Variants in FNIP2 observed in about 807,000 individuals in gnomAD.
The protein encoded by FNIP2 is folliculin interacting protein 2, also known as folliculin-interacting protein 2.
In FNIP2, 32 loss-of-function variants were observed where a neutral mutation model predicts 108.7. The ratio of observed to expected loss-of-function variants is 0.29; its 90% CI spans 0.22 to 0.40. The LOEUF is 0.40. FNIP2 is among the 10% of genes least tolerant of loss of function. The probability of loss-of-function intolerance (pLI) is 1.00; values close to 1 mark genes in which losing one functional copy is unlikely to be tolerated. For missense variants in FNIP2, 1,202 were observed against 1,381.6 expected, an observed-to-expected ratio of 0.87 and a Z score of 2.06; for synonymous variants, 480 against 496.7, an observed-to-expected ratio of 0.97 and a Z score of 0.45.
intron 8 of FNIP2, among the ~76,000 whole-genome samples, chr4:158,852,941 T>C (rs576367323): frequency 6.6e-6 from 1 of 152,180 alleles, no homozygotes; most frequent in Non-Finnish European, 1.5e-5. Flanking sequence ...CTACCTAGTT[T>C]ATGGGCCAGT....
chr4:158,823,346 A>G (rs935548959), intron 1 of FNIP2, among the ~76,000 whole-genome samples: 1 of 152,020 alleles, frequency 6.6e-6, no homozygotes, highest in South Asian at 2.1e-4. Context: ...GCTCACTGCA[A>G]CCTCTGTCTC....
intron 6 of FNIP2, 134 bp from the exon 7 acceptor site, chr4:158,835,271 T>G: frequency 1.9e-6 from 1 of 539,480 alleles, no homozygotes; most frequent in Non-Finnish European, 3.3e-6. Flanking sequence ...GCCTTCTAGT[T>G]AATCTCTATT....
intron 1 of FNIP2, among the ~76,000 whole-genome samples, chr4:158,791,266 C>CTTTTTTTTTTTTTT (rs199714823): frequency 2.0e-5 from 2 of 98,048 alleles, no homozygotes; most frequent in African/African-American, 4.0e-5. Context: ...ACTGAGGATC[C>CTTTTTTTTTTTTTT]TTTTTTTTTT....
At chr4:158,835,323 A>C in intron 6 of FNIP2, 82 bp from the exon 7 acceptor site, 6 of 1,222,754 alleles carry the variant, frequency 4.9e-6, no homozygotes, top group Non-Finnish European at 6.0e-6. Flanking sequence ...CCTACTTTGA[A>C]ATTTAAAAAT....
rs762008595 is a variant in FNIP2 at position 158,826,012 on chromosome 4, T to A, written c.204T>A (p.Ala68=). Residue 68 remains alanine, a synonymous_variant, in exon 2 of 17, where the codon GCT becomes GCA. Coordinates refer to ENST00000264433, the MANE Select transcript of FNIP2 (RefSeq NM_020840.3). ...GACAAGTCTTGTTTGACTCTAAAGC[T>A]GTTCAAAAGATTGAGGAGGTGACAG... ...RGRQVLFDSK[A]VQKIEEVTAQ... 4 of 1,608,458 alleles carry A rather than the reference T, an allele frequency of 2.5e-6. No individual in the cohort carries two copies. The East Asian group carries it at 8.9e-5, about 36-fold the overall frequency.
intron 14 of FNIP2, among the ~76,000 whole-genome samples, chr4:158,888,023 T>A (rs950104406): frequency 6.6e-6 from 1 of 152,234 alleles, no homozygotes; most frequent in Admixed American, 6.5e-5. Flanking sequence ...TGATCAGGGA[T>A]GGCCAGCAGT....
chr4:158,802,233 T>C (rs1222412345), intron 1 of FNIP2, among the ~76,000 whole-genome samples: 1 of 152,108 alleles, frequency 6.6e-6, no homozygotes. Context: ...GGAGAAGGCA[T>C]TATGGAAGAT....
chr4:158,871,094 A>C (rs1321956165), intron 14 of FNIP2, among the ~76,000 whole-genome samples: 1 of 152,240 alleles, frequency 6.6e-6, no homozygotes, highest in Non-Finnish European at 1.5e-5. Context: ...ATTTATTTTA[A>C]CTGATTTGTC....
In FNIP2 at chr4:158,769,154, G is replaced by A; in HGVS notation, c.-59G>A. 2.3e-6 allele frequency: 2 copies of A among 877,762 alleles called. No individual in the cohort carries two copies. The highest frequency in any genetic ancestry group is 5.4e-4 in the Middle Eastern group (1 of 1,850). 54.4% of individuals were successfully genotyped at this position (877,762 alleles called of 1,614,324 possible). A position where few individuals can be genotyped will look rare whatever the true frequency, so the allele number is the denominator to read the frequency against. ...CCCGCCACCGCGGCCGCCGCCCCCG[G>A]CTGCGCGCTGAGCCGCCGGCCCCCC... On this transcript the variant is annotated 5_prime_UTR_variant, in exon 1 of 17. Coordinates refer to ENST00000264433, the MANE Select transcript of FNIP2 (RefSeq NM_020840.3).
intron 1 of FNIP2, among the ~76,000 whole-genome samples, chr4:158,798,616 C>T (rs143091549): frequency 1.3e-5 from 2 of 152,358 alleles, no homozygotes; most frequent in East Asian, 3.9e-4. Flanking sequence ...CTAACAGGGT[C>T]TGGCACATGA....
At chr4:158,810,096 A>G (rs1644604895) in intron 1 of FNIP2, among the ~76,000 whole-genome samples, 1 of 152,232 alleles carries the variant, frequency 6.6e-6, no homozygotes, top group African/African-American at 2.4e-5. Flanking sequence ...GAGATATGCT[A>G]AGGCAACAGA....
chr4:158,860,037 C>T (rs1213224764), intron 10 of FNIP2, among the ~76,000 whole-genome samples: 1 of 152,220 alleles, frequency 6.6e-6, no homozygotes, highest in African/African-American at 2.4e-5. Context: ...ATTCAAAGCA[C>T]AGATGGAGAG....
intron 7 of FNIP2, among the ~76,000 whole-genome samples, chr4:158,839,231 T>A (rs1778981314): frequency 1.3e-5 from 2 of 152,150 alleles, no homozygotes; most frequent in South Asian, 4.1e-4. Flanking sequence ...CTACATAAAT[T>A]ATTTGGACTT....
intron 1 of FNIP2, among the ~76,000 whole-genome samples, chr4:158,785,210 G>A (rs62353967): frequency 1.0e-3 from 152 of 148,922 alleles, no homozygotes; most frequent in Middle Eastern, 3.5e-3. Context: ...TCAGCCTCCC[G>A]AGTAGATGGG....
At chr4:158,825,789 T>A in intron 1 of FNIP2, 127 bp from the exon 2 acceptor site, 2 of 1,134,862 alleles carry the variant, frequency 1.8e-6, no homozygotes, top group Non-Finnish European at 2.5e-6. Flanking sequence ...TCTGAGGGGA[T>A]CACTAGCCCT....
intron 1 of FNIP2, among the ~76,000 whole-genome samples, chr4:158,799,420 G>T (rs1776690221): frequency 6.6e-6 from 1 of 152,192 alleles, no homozygotes; most frequent in East Asian, 1.9e-4. Flanking sequence ...TACTACCATA[G>T]AGCAGTTTTC....
intron 14 of FNIP2, among the ~76,000 whole-genome samples, chr4:158,887,352 C>T (rs1397669973): frequency 6.6e-6 from 1 of 152,134 alleles, no homozygotes; most frequent in East Asian, 1.9e-4. Context: ...CTAACTTCTA[C>T]TATTAAGGTA....
chr4:158,875,323 G>A (rs560297626), intron 14 of FNIP2, among the ~76,000 whole-genome samples: 23 of 151,660 alleles, frequency 1.5e-4, no homozygotes, highest in African/African-American at 5.1e-4. Context: ...TTAACACTAC[G>A]TTTTGATGTT....
rs1345264446 is a variant in FNIP2 at position 158,878,879 on chromosome 4, A to G, written c.2949+8410A>G. Among the ~76,000 whole-genome samples, 3 of 151,260 alleles carry G rather than the reference A, an allele frequency of 2.0e-5. 1 individual carries two copies. The highest frequency in any genetic ancestry group is 4.4e-5 in the Non-Finnish European group (3 of 67,912). On this transcript the variant is annotated intron_variant, in intron 14 of 16. Coordinates refer to ENST00000264433, the MANE Select transcript of FNIP2 (RefSeq NM_020840.3). ...TAGATTCATGTAAGAACTAAAAACA[A>G]CTTCTAAAATTGAAAAATAGTCCCT...
Sources: allele counts gnomAD v4.1 joint callset (sites outside exome capture counted in the v4.1 genomes callset), GRCh38; gene constraint gnomAD v4.1.1; transcripts MANE v1.5; gene names NCBI Gene and HGNC (gene_info 2026-07-23, HGNC 2026-07-21).